The following TMEM192 variants were observed in gnomAD, a reference collection of about 807,000 sequenced individuals.
TMEM192 encodes transmembrane protein 192.
A neutral mutation model predicts 26.7 loss-of-function variants in TMEM192; 20 were observed. The observed-to-expected ratio is 0.75, with a 90% confidence interval of 0.53 to 1.09. The LOEUF is 1.09. Ranked by LOEUF, TMEM192 falls within the 50% of genes least tolerant of loss-of-function variation. TMEM192 has a pLI of 0.00. For synonymous variants in TMEM192, 124 were observed against 121.0 expected (o/e 1.02, Z -0.16); for missense variants, 304 against 322.6 (o/e 0.94, Z 0.44).
At position 165,088,685 on chromosome 4, in the gene TMEM192, G is replaced by T. The variant is rs1734683536; in HGVS notation, c.440-83C>A. 5 of 1,361,736 alleles carry T rather than the reference G, an allele frequency of 3.7e-6. No homozygotes were observed. In the South Asian group the frequency reaches 7.7e-5, roughly 21 times the overall value. 84.4% of individuals were successfully genotyped at this position (1,361,736 alleles called of 1,614,324 possible). A position where few individuals can be genotyped will look rare whatever the true frequency, so the allele number is the denominator to read the frequency against. On this transcript the variant is annotated intron_variant, in intron 3 of 5. Transcript: ENST00000306480. ...TCCAATAGATAGTTGGTCTTTGTCTGGTTCCTTACACAGAGCTCCTAAAAC... is the reference window on the plus strand; with the variant it reads ...TCCAATAGATAGTTGGTCTTTGTCTTGTTCCTTACACAGAGCTCCTAAAAC...
intron 1 of TMEM192, 41 bp downstream of exon 1, chr4:165,112,706 C>G: frequency 6.2e-7 from 1 of 1,607,664 alleles, no homozygotes; most frequent in South Asian, 1.1e-5. Context: ...CAAGAAAAAG[C>G]GGATTCCGGG....
intron 3 of TMEM192, among the ~76,000 whole-genome samples, chr4:165,092,417 C>T (rs919946584): frequency 6.6e-6 from 1 of 152,038 alleles, no homozygotes; most frequent in African/African-American, 2.4e-5. Flanking sequence ...CCACCGCACC[C>T]GGCCCACAGT....
intron 3 of TMEM192, among the ~76,000 whole-genome samples, chr4:165,095,884 C>A (rs1189929817): frequency 6.6e-6 from 1 of 151,904 alleles, no homozygotes; most frequent in African/African-American, 2.4e-5. Context: ...AAGCAATTCT[C>A]CTGCCTCAGC....
chr4:165,091,264 T>C (rs1455835368), intron 3 of TMEM192, among the ~76,000 whole-genome samples: 2 of 151,944 alleles, frequency 1.3e-5, no homozygotes, highest in Non-Finnish European at 2.9e-5. Flanking sequence ...CGAGACTCCA[T>C]TTCAAAAAAA....
At chr4:165,092,567 A>G (rs1454862764) in intron 3 of TMEM192, among the ~76,000 whole-genome samples, 1 of 151,704 alleles carries the variant, frequency 6.6e-6, no homozygotes, top group East Asian at 1.9e-4. Flanking sequence ...ACCATTTTAA[A>G]CTCTTTTTGC....
At chr4:165,091,726 C>T (rs1378107728) in intron 3 of TMEM192, among the ~76,000 whole-genome samples, 1 of 152,052 alleles carries the variant, frequency 6.6e-6, no homozygotes. Context: ...CATAATACAA[C>T]TATATAAAAA....
At chr4:165,112,133 T>TA (rs1012699860) in intron 1 of TMEM192, among the ~76,000 whole-genome samples, 1 of 152,236 alleles carries the variant, frequency 6.6e-6, no homozygotes, top group Non-Finnish European at 1.5e-5. Context: ...ATCAAAGATT[T>TA]AAAAACCTTT....
rs1044574351 is a variant in TMEM192, at chr4:165,074,554, C to A, written c.*5104G>T. On this transcript the variant is annotated 3_prime_UTR_variant, in exon 6 of 6. Transcript: ENST00000306480. ...CTCCACCTCCCGGGTTCAAGCAATTCTCCTGCCTCAGCCTCCTGAGTAGCT... is the reference window on the plus strand; with the variant it reads ...CTCCACCTCCCGGGTTCAAGCAATTATCCTGCCTCAGCCTCCTGAGTAGCT... The A allele has an allele frequency of 7.0e-6, 1 of 141,872 alleles. No homozygotes were observed. Among genetic ancestry groups the A allele is most frequent in the African/African-American group, 3.2e-5 (1 of 31,700 alleles). The allele number at this position is 141,872 out of a possible 1,614,324, so 8.8% of individuals were successfully genotyped here.
At chr4:165,094,800 C>A (rs1205178306) in intron 3 of TMEM192, among the ~76,000 whole-genome samples, 6 of 151,852 alleles carry the variant, frequency 4.0e-5, no homozygotes, top group African/African-American at 1.5e-4. Flanking sequence ...CACGGTGAAA[C>A]CCTGTCTCTA....
rs752471874 is a variant in TMEM192 at position 165,079,453 on chromosome 4, C to T, written c.*205G>A. 3.0e-5 allele frequency: 14 copies of T among 472,612 alleles called. No homozygotes were observed. Among genetic ancestry groups the T allele is most frequent in the Admixed American group, 1.2e-4 (3 of 24,760 alleles). The allele number at this position is 472,612 out of a possible 1,614,324, so 29.3% of individuals were successfully genotyped here. ...AAACAGACATTCCCCTCAAGTTATC[C>T]GGGCTTCTACAGGTACTTTTCAAGT... On this transcript the variant is annotated 3_prime_UTR_variant, in exon 6 of 6. Coordinates refer to ENST00000306480, the MANE Select transcript of TMEM192 (RefSeq NM_001100389.2).
intron 5 of TMEM192, among the ~76,000 whole-genome samples, chr4:165,085,113 A>G (rs998428353): frequency 4.6e-5 from 7 of 152,118 alleles, no homozygotes; most frequent in Non-Finnish European, 1.0e-4. Flanking sequence ...CATCTCTACT[A>G]AAAATACAAA....
intron 3 of TMEM192, among the ~76,000 whole-genome samples, chr4:165,090,313 G>C (rs573921221): frequency 2.7e-5 from 4 of 150,648 alleles, no homozygotes; most frequent in African/African-American, 9.8e-5. Context: ...AACCCGGGGG[G>C]CAGAGTTTGC....
chr4:165,082,792 A>G (rs1734537964), intron 5 of TMEM192, among the ~76,000 whole-genome samples: 1 of 38,234 alleles, frequency 2.6e-5, no homozygotes, highest in African/African-American at 4.7e-5. Flanking sequence ...CTGGAGTGCA[A>G]TGGCGTGATC....
chr4:165,095,151 C>T (rs1364960816), intron 3 of TMEM192, among the ~76,000 whole-genome samples: 3 of 152,072 alleles, frequency 2.0e-5, no homozygotes, highest in Non-Finnish European at 4.4e-5. Flanking sequence ...CTCACCCAGA[C>T]CTGGACTCCT....
chr4:165,096,571 T>TAACAAAA (rs1429171188), intron 3 of TMEM192, among the ~76,000 whole-genome samples: 2 of 151,890 alleles, frequency 1.3e-5, no homozygotes, highest in Non-Finnish European at 2.9e-5. Flanking sequence ...CAGGCTGAAG[T>TAACAAAA]TAATATTATC....
In TMEM192 at chr4:165,100,741, A is replaced by C; in HGVS notation, c.326T>G (p.Leu109Arg). 4 of 1,614,094 alleles carry C rather than the reference A, an allele frequency of 2.5e-6. No homozygotes were observed. Among genetic ancestry groups the C allele is most frequent in the Non-Finnish European group, 3.4e-6 (4 of 1,180,028 alleles). The stretch of plus-strand genomic sequence containing the variant: ...GTGATACTGGATGTAGCATTCAAGG[A>C]GTAAATGGAGAATCCACAAAATAAC... Reference protein sequence around the residue: ...GKVILWILHLLLECYIQYHHS... With the variant: ...GKVILWILHLRLECYIQYHHS... Residue 109 changes from leucine to arginine, a missense_variant, in exon 3 of 6, where the codon CTC (leucine) becomes CGC (arginine). Physicochemically the swap from Leu to Arg is moderately radical, Grantham distance 102. Coordinates refer to ENST00000306480, the MANE Select transcript of TMEM192 (RefSeq NM_001100389.2).
intron 3 of TMEM192, among the ~76,000 whole-genome samples, chr4:165,092,156 C>G (rs996154492): frequency 8.8e-6 from 1 of 114,056 alleles, no homozygotes; most frequent in African/African-American, 3.6e-5. Flanking sequence ...GAGTCTTGCT[C>G]TGCTGCCCAG....
At chr4:165,086,418 CT>C (rs34384682) in intron 4 of TMEM192, among the ~76,000 whole-genome samples, 32,912 of 122,940 alleles carry the variant, frequency 0.27, 4,185 homozygotes, top group Admixed American at 0.37. Context: ...GGCATTTACA[CT>C]TTTTTTTTTT....
rs1734454114 is a variant in TMEM192, at chr4:165,078,981, C to A, written c.*677G>T. ...ATTTTTTTTGTATTTTTAGTAGAGACAGGGTTTCACCGTGTTAGCCAGGAT... is the reference window on the plus strand; with the variant it reads ...ATTTTTTTTGTATTTTTAGTAGAGAAAGGGTTTCACCGTGTTAGCCAGGAT... On this transcript the variant is annotated 3_prime_UTR_variant, in exon 6 of 6. Transcript: ENST00000306480. 1 of 152,158 alleles carries A rather than the reference C, an allele frequency of 6.6e-6. No individual in the cohort carries two copies. The highest frequency in any genetic ancestry group is 1.5e-5 in the Non-Finnish European group (1 of 68,066). 9.4% of individuals were successfully genotyped at this position (152,158 alleles called of 1,614,324 possible).
Sources: allele counts gnomAD v4.1 joint callset (sites outside exome capture counted in the v4.1 genomes callset), GRCh38; gene constraint gnomAD v4.1.1; transcripts MANE v1.5; gene names NCBI Gene and HGNC (gene_info 2026-07-23, HGNC 2026-07-21).